Variants in OGG1 observed in about 807,000 individuals in gnomAD.
OGG1 encodes 8-oxoguanine DNA glycosylase.
A neutral mutation model predicts 42.3 loss-of-function variants in OGG1; 35 were observed. The observed-to-expected ratio is 0.83, with a 90% CI of 0.63 to 1.10. The LOEUF is 1.10. Ranked by LOEUF, OGG1 falls within the 50% of genes least tolerant of loss-of-function variation. The pLI is 0.00. For synonymous variants in OGG1, 189 were observed against 179.0 expected, an observed-to-expected ratio of 1.06 and a Z score of -0.44; for missense variants, 484 against 446.7, an observed-to-expected ratio of 1.08 and a Z score of -0.75.
chr3:9,785,552 G>A (rs2078588187), intron 3 of OGG1: 2 of 658,228 alleles, frequency 3.0e-6, no homozygotes. Flanking sequence ...ACCTACCGTG[G>A]GAAGCCTTCC....
chr3:9,787,115 CG>C (rs2078632344), intron 3 of OGG1: 1 of 1,614,150 alleles, frequency 6.2e-7, no homozygotes, highest in Non-Finnish European at 8.5e-7. Flanking sequence ...CACATCTAAG[CG>C]GGCACAGGAA....
At chr3:9,757,447 A>C, downstream of OGG1, 1 of 1,604,162 alleles carries the variant, frequency 6.2e-7, no homozygotes, top group Non-Finnish European at 8.5e-7. The surrounding 1 kb of genome is among the most constrained non-coding windows in gnomAD (Gnocchi z 4.5). Context: ...AGGAGGGGAC[A>C]GGGCAGAGAA....
downstream of OGG1, chr3:9,761,341 T>C (rs2077859235): frequency 1.0e-6 from 1 of 984,702 alleles, no homozygotes; most frequent in Admixed American, 2.6e-5. Flanking sequence ...AATTGATTGG[T>C]GGAAGGAAGG....
downstream of OGG1, chr3:9,762,165 G>A: frequency 6.0e-6 from 1 of 166,194 alleles, no homozygotes; most frequent in African/African-American, 2.4e-5. Flanking sequence ...CAGTTAGGCA[G>A]TAGCAGAGCC....
At chr3:9,780,546 C>A (rs1469347856) in intron 2 of OGG1, 1 of 1,601,448 alleles carries the variant, frequency 6.2e-7, no homozygotes, top group South Asian at 1.1e-5. Context: ...CCTCCTTTGC[C>A]AGCCTGTGGG....
downstream of OGG1, chr3:9,767,535 G>T: frequency 1.7e-6 from 2 of 1,155,270 alleles, no homozygotes; most frequent in Non-Finnish European, 2.5e-6. Context: ...GCTGGGGACA[G>T]TTTAGGCCCT....
At chr3:9,766,741 C>G (rs574577090), downstream of OGG1, 1 of 600,832 alleles carries the variant, frequency 1.7e-6, no homozygotes, top group African/African-American at 2.0e-5. Flanking sequence ...CAAAGAAAAG[C>G]ATCTCTCGTG....
At chr3:9,773,863 T>G (rs1184178717) in intron 2 of OGG1, among the ~76,000 whole-genome samples, 1 of 151,932 alleles carries the variant, frequency 6.6e-6, no homozygotes, top group African/African-American at 2.4e-5. Context: ...TGGCTAATTT[T>G]TTTTAGTTTT....
downstream of OGG1, chr3:9,767,619 A>C (rs750132054): frequency 1.1e-5 from 17 of 1,610,556 alleles, no homozygotes; most frequent in South Asian, 1.8e-4. Flanking sequence ...CCCACCCTGG[A>C]CTCAGCCTCC....
chr3:9,787,287 C>T (rs1369689284), intron 3 of OGG1: 1 of 1,614,198 alleles, frequency 6.2e-7, no homozygotes, highest in Non-Finnish European at 8.5e-7. Flanking sequence ...TCTGCTCCTC[C>T]AGCAGGTCCT....
intron 2 of OGG1, among the ~76,000 whole-genome samples, chr3:9,778,857 T>G (rs1240238054): frequency 6.6e-6 from 1 of 152,182 alleles, no homozygotes; most frequent in Non-Finnish European, 1.5e-5. Flanking sequence ...GGAAGGAACA[T>G]TTCTCCAACA....
chr3:9,761,398 A>G, downstream of OGG1: 1 of 1,526,720 alleles, frequency 6.5e-7, no homozygotes, highest in Admixed American at 1.9e-5. Context: ...AGGAAGGAAG[A>G]GAGGAAAGTA....
chr3:9,758,061 A>G (rs2077670937), downstream of OGG1: 1 of 603,512 alleles, frequency 1.7e-6, no homozygotes, highest in South Asian at 2.6e-5. Context: ...GTGTATCTAT[A>G]TATATAAATA....
At chr3:9,779,270 A>G (rs924169310) in intron 2 of OGG1, among the ~76,000 whole-genome samples, 22 of 152,150 alleles carry the variant, frequency 1.4e-4, no homozygotes, top group Admixed American at 2.0e-4. Context: ...TGACTGAGGA[A>G]TGGGCATGTG....
At chr3:9,786,038 A>T (rs544181752) in intron 3 of OGG1, among the ~76,000 whole-genome samples, 9 of 151,836 alleles carry the variant, frequency 5.9e-5, no homozygotes, top group African/African-American at 2.2e-4. Flanking sequence ...TCCTGGGTTC[A>T]TGCCATTCTC....
chr3:9,770,538 C>G (rs1337539651), downstream of OGG1, among the ~76,000 whole-genome samples: 1 of 152,134 alleles, frequency 6.6e-6, no homozygotes, highest in African/African-American at 2.4e-5. Flanking sequence ...GCCCCAGACA[C>G]TTGCTCCTCA....
At chr3:9,761,891 AAATC>A (rs1307993980), downstream of OGG1, 2 of 1,396,146 alleles carry the variant, frequency 1.4e-6, no homozygotes, top group African/African-American at 1.4e-5. Flanking sequence ...TGTCATAAGA[AAATC>A]AAGGAAGCTC....
chr3:9,787,306 C>T, intron 3 of OGG1: 6 of 1,613,868 alleles, frequency 3.7e-6, no homozygotes, highest in Non-Finnish European at 5.1e-6. Flanking sequence ...CTCCTGGGCC[C>T]AGCGCTGGGA....
At position 9,757,019 on chromosome 3, in the gene OGG1, C is replaced by G. The variant is rs1292717558; in HGVS notation, c.949-42C>G. ...GTCACTAGTCTCACCAGCCCTGACC[C>G]CAGTGTACCCTCCTCCCCACACAGA... On this transcript the variant is annotated intron_variant, in intron 6 of 6. Coordinates refer to ENST00000344629, the MANE Select transcript of OGG1 (RefSeq NM_002542.6). The surrounding 1 kb of genome is among the most constrained non-coding windows in gnomAD (Gnocchi z 4.5). 6.2e-7 allele frequency: 1 copy of G among 1,613,768 alleles called. No homozygotes were observed. Among genetic ancestry groups the G allele is most frequent in the Non-Finnish European group, 8.5e-7 (1 of 1,180,038 alleles).
Sources: allele counts gnomAD v4.1 joint callset (sites outside exome capture counted in the v4.1 genomes callset), GRCh38; gene constraint gnomAD v4.1.1; non-coding constraint Gnocchi (gnomAD v3.1); transcripts MANE v1.5; gene names NCBI Gene and HGNC (gene_info 2026-07-23, HGNC 2026-07-21).